JAK1: variants seen among roughly 807,000 people sequenced by gnomAD.
The protein encoded by JAK1 is tyrosine-protein kinase JAK1.
Under a neutral mutation model 136.6 loss-of-function variants are expected in JAK1, and 16 were observed. The ratio of observed to expected loss-of-function variants is 0.12; its 90% CI spans 0.08 to 0.18. The LOEUF is 0.18. JAK1 is among the 10% of genes least tolerant of loss of function. The pLI is 1.00. For synonymous variants in JAK1, 492 were observed against 519.5 expected, an observed-to-expected ratio of 0.95 and a Z score of 0.72; for missense variants, 859 against 1,450.1, an observed-to-expected ratio of 0.59 and a Z score of 6.62.
intron 1 of JAK1, among the ~76,000 whole-genome samples, chr1:64,889,032 G>GT (rs890522561): frequency 2.0e-5 from 3 of 152,274 alleles, no homozygotes; most frequent in East Asian, 1.9e-4. Flanking sequence ...ATGACAAGCG[G>GT]TTTTTTTGTG....
Position 64,844,334 on chromosome 1 carries a change from A to C in JAK1, c.2252-119T>G. On this transcript the variant is annotated intron_variant, in intron 16 of 24. Transcript: ENST00000342505. The surrounding 1 kb of genome is among the most constrained non-coding windows in gnomAD (Gnocchi z 5.7). Reference sequence around the variant, plus strand: ...GAACTACTTCAAGCAGTGTGCCCAAACATGGCCCATGGCCACATAGGCCCT... The same window carrying C: ...GAACTACTTCAAGCAGTGTGCCCAACCATGGCCCATGGCCACATAGGCCCT... 5 of 1,343,558 alleles carry C rather than the reference A, an allele frequency of 3.7e-6. No homozygotes were observed. Among genetic ancestry groups the C allele is most frequent in the Non-Finnish European group, 4.2e-6 (4 of 949,578 alleles). 83.2% of individuals were successfully genotyped at this position (1,343,558 alleles called of 1,614,324 possible).
At chr1:64,990,982 C>T (rs1431288145) in intron 2 of JAK1, 3 of 146,328 alleles carry the variant, frequency 2.1e-5, no homozygotes, top group Non-Finnish European at 4.5e-5. Flanking sequence ...ACAAAAACCA[C>T]GTGTGAGGAA....
chr1:64,888,658 TTC>T (rs1315499826), intron 1 of JAK1, among the ~76,000 whole-genome samples: 1 of 152,238 alleles, frequency 6.6e-6, no homozygotes, highest in Non-Finnish European at 1.5e-5. Context: ...TTTCCAATCA[TTC>T]TGTCTCTTCT....
chr1:64,861,706 G>C (rs1656355350), intron 8 of JAK1, among the ~76,000 whole-genome samples: 1 of 152,200 alleles, frequency 6.6e-6, no homozygotes, highest in South Asian at 2.1e-4. Flanking sequence ...GCAGGAGGGA[G>C]GTCAGGGGCC....
intron 1 of JAK1, among the ~76,000 whole-genome samples, chr1:64,913,643 G>GGAAGGGAGGAAA (rs1645326642): frequency 1.6e-3 from 137 of 86,354 alleles, no homozygotes; most frequent in Non-Finnish European, 2.3e-3. Flanking sequence ...GAGGAAGGGA[G>GGAAGGGAGGAAA]GAAGGAAGGA....
At chr1:64,934,542 G>C (rs1197311246) in intron 1 of JAK1, among the ~76,000 whole-genome samples, 1 of 152,184 alleles carries the variant, frequency 6.6e-6, no homozygotes, top group Non-Finnish European at 1.5e-5. Flanking sequence ...AATGAGAGGG[G>C]CGAGAAGCTC....
chr1:64,983,056 A>G (rs1222711431), intron 2 of JAK1, among the ~76,000 whole-genome samples: 1 of 152,192 alleles, frequency 6.6e-6, no homozygotes, highest in Non-Finnish European at 1.5e-5. Context: ...ATACTGTTCA[A>G]GCATTTTACT....
At chr1:64,905,082 C>T (rs1169133053) in intron 1 of JAK1, among the ~76,000 whole-genome samples, 7 of 152,230 alleles carry the variant, frequency 4.6e-5, no homozygotes, top group African/African-American at 1.4e-4. Flanking sequence ...TGATCCTCTG[C>T]CTTTATTTGC....
At chr1:64,894,024 C>G (rs1644977287) in intron 1 of JAK1, among the ~76,000 whole-genome samples, 1 of 152,202 alleles carries the variant, frequency 6.6e-6, no homozygotes, top group Non-Finnish European at 1.5e-5. Context: ...CCTATATCCA[C>G]TCAGTGTTCT....
chr1:64,836,357 A>C (rs1405940559), intron 22 of JAK1, 142 bp from the exon 23 acceptor site: 11 of 650,702 alleles, frequency 1.7e-5, no homozygotes, highest in Non-Finnish European at 2.8e-5. Flanking sequence ...TTTTACACAT[A>C]CCATGTATAC....
chr1:64,999,030 A>C (rs1646729157), intron 2 of JAK1, among the ~76,000 whole-genome samples: 1 of 152,166 alleles, frequency 6.6e-6, no homozygotes, highest in South Asian at 2.1e-4. Context: ...TTTCATTTCA[A>C]TACTCATTTG....
chr1:64,997,680 GT>G (rs1557750313), intron 2 of JAK1, among the ~76,000 whole-genome samples: 4 of 152,188 alleles, frequency 2.6e-5, no homozygotes, highest in African/African-American at 9.7e-5. Flanking sequence ...GTTTATAATG[GT>G]TGCAGAGAAT....
At chr1:64,952,376 C>T (rs971838051) in intron 1 of JAK1, among the ~76,000 whole-genome samples, 1 of 152,170 alleles carries the variant, frequency 6.6e-6, no homozygotes, top group African/African-American at 2.4e-5. Flanking sequence ...TTCTAAGGCT[C>T]AGTTTATTGA....
At chr1:64,852,991 G>A (rs987087100) in intron 11 of JAK1, among the ~76,000 whole-genome samples, 19 of 152,286 alleles carry the variant, frequency 1.2e-4, no homozygotes, top group South Asian at 4.1e-4. Context: ...CTGCTGAGCC[G>A]TCACGCCCAC....
At chr1:65,014,747 C>T (rs1298533519) in intron 2 of JAK1, among the ~76,000 whole-genome samples, 2 of 150,938 alleles carry the variant, frequency 1.3e-5, no homozygotes, top group South Asian at 4.2e-4. Flanking sequence ...TGCAGTGGCG[C>T]GACCTCGGCT....
At position 64,934,284 on chromosome 1, in the gene JAK1, C is replaced by T. The variant is rs114433701; in HGVS notation, c.-78+32049G>A. On this transcript the variant is annotated intron_variant, in intron 1 of 24. Transcript: ENST00000342505. ...TCAACAAATGATGCAATAAATAACA[C>T]AAAGGCAAAACATATGAAGCTGCTT... Among the ~76,000 whole-genome samples the T allele has an allele frequency of 3.0e-3, 458 of 152,272 alleles. 1 individual carries two copies. Among genetic ancestry groups the T allele is most frequent in the Non-Finnish European group, 5.4e-3 (365 of 68,016 alleles).
At chr1:64,865,097 G>T in intron 7 of JAK1, 125 bp from the exon 8 acceptor site, 1 of 714,230 alleles carries the variant, frequency 1.4e-6, no homozygotes, top group South Asian at 1.9e-5. Context: ...AGCTCTTCTG[G>T]ACTTGCAGGA....
At chr1:65,052,777 G>GCACTCCAGCCTGGGCGA (rs778211625) in intron 1 of JAK1, among the ~76,000 whole-genome samples, 7 of 147,896 alleles carry the variant, frequency 4.7e-5, no homozygotes, top group East Asian at 2.0e-4. Context: ...TCGCGCCACT[G>GCACTCCAGCCTGGGCGA]CACTCCAGCC....
At chr1:64,998,532 A>G (rs575544077) in intron 2 of JAK1, among the ~76,000 whole-genome samples, 1 of 152,292 alleles carries the variant, frequency 6.6e-6, no homozygotes, top group South Asian at 2.1e-4. Context: ...TGGCCGTAAG[A>G]TTAGTATTAA....
Sources: gnomAD v4.1 joint callset for allele counts (sites outside exome capture counted in the v4.1 genomes callset) on GRCh38, gnomAD v4.1.1 for gene constraint, Gnocchi (gnomAD v3.1) non-coding constraint, MANE v1.5 for transcripts, NCBI Gene and HGNC (gene_info 2026-07-23, HGNC 2026-07-21) for gene names.